ANAPC1: variants seen among roughly 807,000 people sequenced by gnomAD.
ANAPC1 encodes the protein anaphase-promoting complex subunit 1.
In ANAPC1, 36 loss-of-function variants were observed where a neutral mutation model predicts 208.0. The ratio of observed to expected loss-of-function variants is 0.17; its 90% CI spans 0.13 to 0.23. The LOEUF is 0.23. Among genes scored for constraint, ANAPC1 ranks in the 10% least tolerant of loss-of-function variants. The probability of loss-of-function intolerance (pLI) is 1.00; values close to 1 mark genes in which losing one functional copy is unlikely to be tolerated. For synonymous variants in ANAPC1, 378 were observed against 695.2 expected (o/e 0.54, Z 7.18); for missense variants, 942 against 2,011.6 (o/e 0.47, Z 10.17).
intron 10 of ANAPC1, among the ~76,000 whole-genome samples, chr2:111,861,525 T>C (rs1230095728): frequency 4.7e-5 from 7 of 150,356 alleles, no homozygotes; most frequent in Admixed American, 2.7e-4. Context: ...GCCTAGCGAA[T>C]ACCTATTCGT....
intron 17 of ANAPC1, among the ~76,000 whole-genome samples, chr2:111,840,481 T>C (rs912902950): frequency 6.6e-6 from 1 of 152,168 alleles, no homozygotes; most frequent in African/African-American, 2.4e-5. Flanking sequence ...CAAAAAGCCA[T>C]GTCCTTCTCT....
chr2:111,829,812 G>A (rs1038831275), intron 21 of ANAPC1, among the ~76,000 whole-genome samples: 2 of 152,164 alleles, frequency 1.3e-5, no homozygotes, highest in Non-Finnish European at 2.9e-5. Flanking sequence ...GCTCACACCT[G>A]TAATCCCAGC....
At chr2:111,794,721 T>C in intron 35 of ANAPC1, 97 bp downstream of exon 35, 1 of 1,305,604 alleles carries the variant, frequency 7.7e-7, no homozygotes, top group South Asian at 1.3e-5. Context: ...GATTCATAAT[T>C]ACTTAAATCA....
chr2:111,810,123 G>T (rs1678891959), intron 28 of ANAPC1, among the ~76,000 whole-genome samples: 1 of 152,134 alleles, frequency 6.6e-6, no homozygotes, highest in Non-Finnish European at 1.5e-5. Context: ...ACAATAAAAA[G>T]GAATGTATTG....
rs190983613 is a variant in ANAPC1 at position 111,851,573 on chromosome 2, G to A, written c.1516-663C>T. 3.1e-3 allele frequency among the ~76,000 whole-genome samples: 469 copies of A among 151,958 alleles called. 2 individuals are homozygous for A. The highest frequency in any genetic ancestry group is 0.011 in the African/African-American group (440 of 41,412). Reference sequence around the variant, plus strand: ...TGTAATCCTAACACTTTGGGAGGCCGAGGCGGGCGGATCACAAGGTCAGGA... The same window carrying A: ...TGTAATCCTAACACTTTGGGAGGCCAAGGCGGGCGGATCACAAGGTCAGGA... On this transcript the variant is annotated intron_variant, in intron 13 of 47. Transcript: ENST00000341068.
At chr2:111,832,391 T>G (rs1390622387) in intron 20 of ANAPC1, among the ~76,000 whole-genome samples, 4 of 151,752 alleles carry the variant, frequency 2.6e-5, no homozygotes, top group African/African-American at 7.3e-5. Flanking sequence ...CATCCAGGAT[T>G]CAGGTCTGTT....
chr2:111,858,033 G>A (rs1306276480), intron 11 of ANAPC1, among the ~76,000 whole-genome samples: 3 of 152,080 alleles, frequency 2.0e-5, no homozygotes, highest in Non-Finnish European at 2.9e-5. Context: ...GGTTGCCTGA[G>A]GCTGGAAATG....
downstream of ANAPC1, chr2:111,766,930 T>G: frequency 1.5e-5 from 7 of 470,888 alleles, no homozygotes; most frequent in Non-Finnish European, 3.1e-5. Context: ...CAAGGAAGAC[T>G]GGGCGGCACA....
chr2:111,792,846 G>A (rs1186769061), intron 37 of ANAPC1, among the ~76,000 whole-genome samples: 7 of 152,106 alleles, frequency 4.6e-5, no homozygotes, highest in East Asian at 3.9e-4. Context: ...CCAGCTGCTC[G>A]GGAGGCTGAG....
At chr2:111,878,634 A>AATTAAATTTTTAT (rs1338611130) in intron 3 of ANAPC1, among the ~76,000 whole-genome samples, 176 bp downstream of exon 3, 1 of 152,236 alleles carries the variant, frequency 6.6e-6, no homozygotes, top group African/African-American at 2.4e-5. Flanking sequence ...ATAAAAATAA[A>AATTAAATTTTTAT]ATTAAATTTT....
At chr2:111,883,820 C>T (rs1393337695) in intron 1 of ANAPC1, 122 bp downstream of exon 1, 4 of 152,396 alleles carry the variant, frequency 2.6e-5, no homozygotes, top group African/African-American at 7.2e-5. Flanking sequence ...GGCCCTCCCT[C>T]GGGTTCCCAG....
intron 18 of ANAPC1, among the ~76,000 whole-genome samples, chr2:111,837,702 T>C (rs193234656): frequency 1.6e-4 from 24 of 152,148 alleles, no homozygotes; most frequent in Non-Finnish European, 2.5e-4. Flanking sequence ...TGTGCATATA[T>C]TAAAACTGAT....
At chr2:111,766,796 G>GA (rs1676482755), downstream of ANAPC1, 1 of 375,034 alleles carries the variant, frequency 2.7e-6, no homozygotes, top group African/African-American at 2.1e-5. Context: ...GCTGAGAGAT[G>GA]AAAGACCCCC....
intron 16 of ANAPC1, among the ~76,000 whole-genome samples, chr2:111,843,955 C>G (rs942075717): frequency 2.7e-5 from 4 of 150,288 alleles, no homozygotes; most frequent in African/African-American, 9.8e-5. Flanking sequence ...CACCAAGTAG[C>G]TGGGATTACA....
At chr2:111,805,972 G>C (rs914660438) in intron 29 of ANAPC1, 79 bp from the exon 30 acceptor site, 4 of 396,348 alleles carry the variant, frequency 1.0e-5, no homozygotes, top group African/African-American at 6.6e-5. Flanking sequence ...TAACTTTCTA[G>C]CAAGTTGCAC....
rs1267739811 is a variant in ANAPC1 at position 111,878,439 on chromosome 2, T to C, written c.375+371A>G. Reference sequence around the variant, plus strand: ...ATTTTTTCCTTTCTCTCTACCATTATGAATCCCACGATTTTTATTTATTCA... The same window carrying C: ...ATTTTTTCCTTTCTCTCTACCATTACGAATCCCACGATTTTTATTTATTCA... On this transcript the variant is annotated intron_variant, in intron 3 of 47. Transcript: ENST00000341068. Among the ~76,000 whole-genome samples the C allele has an allele frequency of 2.0e-5, 3 of 152,252 alleles. No individual in the cohort carries two copies. In the East Asian group the frequency reaches 5.8e-4, roughly 29 times the overall value.
chr2:111,850,220 TAGG>T (rs1681313692), intron 14 of ANAPC1, among the ~76,000 whole-genome samples: 2 of 150,842 alleles, frequency 1.3e-5, no homozygotes, highest in South Asian at 2.1e-4. Context: ...TCCTTATGAC[TAGG>T]AGATGAAGAT....
At position 111,834,646 on chromosome 2, in the gene ANAPC1, T is replaced by A. The variant is rs760832974; in HGVS notation, c.2342A>T (p.Glu781Val). The stretch of plus-strand genomic sequence containing the variant: ...AAGTTCAACAAGTGAACAAATTCCT[T>A]CTCCCATTAGAGTATTCAACTTAAG... The part of the protein sequence containing the change: ...EELKLNTLMG[E>V]GICSLVELLV... Residue 781 changes from glutamate to valine, a missense_variant, in exon 19 of 48, where the codon GAA becomes GTA. Physicochemically the swap from Glu to Val is moderately radical, Grantham distance 121. Coordinates refer to ENST00000341068, the MANE Select transcript of ANAPC1 (RefSeq NM_022662.4). 3.7e-6 allele frequency: 6 copies of A among 1,608,766 alleles called. No individual in the cohort carries two copies. In the African/African-American group the frequency reaches 8.1e-5, roughly 22 times the overall value.
At chr2:111,876,978 A>T (rs1281560639) in intron 3 of ANAPC1, among the ~76,000 whole-genome samples, 6 of 152,136 alleles carry the variant, frequency 3.9e-5, no homozygotes, top group Admixed American at 3.9e-4. Flanking sequence ...ATATCCAACA[A>T]TCATGAAAAT....
Sources: gnomAD v4.1 joint callset for allele counts (sites outside exome capture counted in the v4.1 genomes callset) on GRCh38, gnomAD v4.1.1 for gene constraint, MANE v1.5 for transcripts, NCBI Gene and HGNC (gene_info 2026-07-23, HGNC 2026-07-21) for gene names.